Variants in NRP2 observed in about 807,000 individuals in gnomAD.
NRP2 encodes neuropilin 2, also known as neuropilin-2.
NRP2 carries 52 observed loss-of-function variants against 110.4 expected under a neutral mutation model. The observed-to-expected ratio is 0.47, with a 90% CI of 0.38 to 0.59. NRP2 has a LOEUF of 0.59. Among genes scored for constraint, NRP2 ranks in the 20% least tolerant of loss-of-function variants. NRP2 has a pLI of 0.00. For synonymous variants in NRP2, 508 were observed against 468.9 expected (o/e 1.08, Z -1.08); for missense variants, 1,049 against 1,203.0 (o/e 0.87, Z 1.89).
At chr2:205,794,687 G>A in intron 16 of NRP2, 67 bp from the exon 17 acceptor site, 1 of 1,536,292 alleles carries the variant, frequency 6.5e-7, no homozygotes, top group Non-Finnish European at 9.0e-7. Flanking sequence ...CTGGGCTGGG[G>A]AGGCTCAGTC....
At chr2:205,772,762 C>T (rs962430036) in intron 15 of NRP2, among the ~76,000 whole-genome samples, 1 of 152,200 alleles carries the variant, frequency 6.6e-6, no homozygotes, top group Non-Finnish European at 1.5e-5. Context: ...CTCGATCACC[C>T]CCAGATGGCT....
intron 2 of NRP2, among the ~76,000 whole-genome samples, chr2:205,707,228 G>A (rs1258313093): frequency 6.6e-6 from 1 of 152,230 alleles, no homozygotes; most frequent in Non-Finnish European, 1.5e-5. Context: ...CATGGCCCGG[G>A]CTGCCTGTGC....
At chr2:205,692,045 T>C (rs1173192092) in intron 1 of NRP2, among the ~76,000 whole-genome samples, 4 of 152,182 alleles carry the variant, frequency 2.6e-5, no homozygotes, top group Non-Finnish European at 5.9e-5. Context: ...AGAGAGGGAA[T>C]TTGCTTCATT....
rs1286722595 is a variant in NRP2 at position 205,794,603 on chromosome 2, G to A, written c.2477-151G>A. On this transcript the variant is annotated intron_variant, in intron 16 of 16. Transcript: ENST00000357785. Reference sequence around the variant, plus strand: ...CCCAAAGTTACACAGCTAGGATGCGGCCAGGCTGGGCTTTGAACCCAGGCA... The same window carrying A: ...CCCAAAGTTACACAGCTAGGATGCGACCAGGCTGGGCTTTGAACCCAGGCA... 5 of 795,554 alleles carry A rather than the reference G, an allele frequency of 6.3e-6. No homozygotes were observed. In the East Asian group the frequency reaches 1.2e-4, roughly 19 times the overall value. The allele number at this position is 795,554 out of a possible 1,614,324, so 49.3% of individuals were successfully genotyped here. A position where few individuals can be genotyped will look rare whatever the true frequency, so the allele number is the denominator to read the frequency against.
intron 12 of NRP2, chr2:205,761,462 T>G (rs2057820759): frequency 1.3e-5 from 2 of 152,194 alleles, no homozygotes; most frequent in African/African-American, 4.8e-5. Flanking sequence ...CTGCCTGAAG[T>G]CCTTTTAAAA....
chr2:205,759,784 G>A lies in NRP2; in HGVS notation c.2045-3890G>A, dbSNP rs1037310475. 5 of 152,202 alleles carry A rather than the reference G, an allele frequency of 3.3e-5. No individual in the cohort carries two copies. In the East Asian group the frequency reaches 9.6e-4, roughly 29 times the overall value. The allele number at this position is 152,202 out of a possible 1,614,324, so 9.4% of individuals were successfully genotyped here. A position where few individuals can be genotyped will look rare whatever the true frequency, so the allele number is the denominator to read the frequency against. ...TAGTAAAATAAAGGCAAGCATAGGA[G>A]GGAGTGTGTAGAGTGATATTAATAG... On this transcript the variant is annotated intron_variant, in intron 12 of 16. Transcript: ENST00000357785.
chr2:205,745,096 C>T (rs1464187869), intron 9 of NRP2, among the ~76,000 whole-genome samples: 1 of 152,224 alleles, frequency 6.6e-6, no homozygotes, highest in Non-Finnish European at 1.5e-5. Context: ...CTAGGCTGGT[C>T]CTCCAAAGCA....
intron 8 of NRP2, 131 bp downstream of exon 8, chr2:205,740,794 T>TTG: frequency 2.0e-6 from 2 of 992,436 alleles, no homozygotes; most frequent in Non-Finnish European, 3.0e-6. Flanking sequence ...ACTCAAGTCC[T>TTG]ACCAGAGTTT....
At chr2:205,749,879 C>G (rs1262321726) in intron 11 of NRP2, 38 bp downstream of exon 11, 2 of 1,507,328 alleles carry the variant, frequency 1.3e-6, no homozygotes, top group East Asian at 2.3e-5. Flanking sequence ...TGGGTGCGGA[C>G]TAGTCAGAGT....
At chr2:205,704,321 G>C (rs984634399) in intron 2 of NRP2, among the ~76,000 whole-genome samples, 2 of 152,184 alleles carry the variant, frequency 1.3e-5, no homozygotes, top group Non-Finnish European at 2.9e-5. Flanking sequence ...AATTCTGTGT[G>C]GTTCAAGAGG....
Position 205,709,875 on chromosome 2 carries a change from A to G in NRP2, c.252-6318A>G, listed in dbSNP as rs1016482939. ...CACTCCATGGGCCATATGTTCACAT[A>G]TGGATATATATGTGCTTATAAAAAT... On this transcript the variant is annotated intron_variant, in intron 2 of 16. Transcript: ENST00000357785. Among the ~76,000 whole-genome samples the G allele has an allele frequency of 3.9e-5, 6 of 152,322 alleles. No homozygotes were observed. The South Asian group carries it at 1.0e-3, about 26-fold the overall frequency.
rs2057868641 is a variant in NRP2 at position 205,763,987 on chromosome 2, G to A, written c.2307+51G>A. 1 of 1,607,016 alleles carries A rather than the reference G, an allele frequency of 6.2e-7. No homozygotes were observed. Among genetic ancestry groups the A allele is most frequent in the Non-Finnish European group, 8.5e-7 (1 of 1,175,464 alleles). The stretch of plus-strand genomic sequence containing the variant: ...GTGATCCGTATTTCAATATTTCAAG[G>A]GCCGAGCCCATTCATCGTTAGGGAA... On this transcript the variant is annotated intron_variant, in intron 13 of 16. Coordinates refer to ENST00000357785, the MANE Select transcript of NRP2 (RefSeq NM_003872.3). The surrounding 1 kb of genome is among the most constrained non-coding windows in gnomAD (Gnocchi z 4.0).
intron 12 of NRP2, chr2:205,756,825 C>T (rs2057741969): frequency 6.6e-6 from 1 of 152,124 alleles, no homozygotes; most frequent in Admixed American, 6.6e-5. Context: ...GTCTCATTCT[C>T]CCTCACTAGA....
At chr2:205,771,615 A>G (rs2058024993) in intron 15 of NRP2, among the ~76,000 whole-genome samples, 2 of 152,224 alleles carry the variant, frequency 1.3e-5, no homozygotes, top group East Asian at 1.9e-4. Context: ...CAGCTATAGT[A>G]TATGCTTTCT....
intron 15 of NRP2, chr2:205,777,726 G>A (rs1178797979): frequency 6.6e-6 from 1 of 152,218 alleles, no homozygotes; most frequent in Admixed American, 6.5e-5. Flanking sequence ...CTTTCATGGT[G>A]TTAATGTGTG....
At chr2:205,762,411 T>A (rs1401729829) in intron 12 of NRP2, 1 of 152,150 alleles carries the variant, frequency 6.6e-6, no homozygotes, top group African/African-American at 2.4e-5. Context: ...GTCAGCAGGA[T>A]TAACAACAGC....
rs957244485 is a variant in NRP2 at position 205,725,241 on chromosome 2, G to A, written c.821-672G>A. Among the ~76,000 whole-genome samples the A allele has an allele frequency of 5.3e-5, 8 of 152,154 alleles. No individual in the cohort carries two copies. In the South Asian group the frequency reaches 1.2e-3, roughly 24 times the overall value. ...TGATACCTGATAAGGATTGCTGGCC[G>A]ATCTTAGACACATGCACACACACAT... On this transcript the variant is annotated intron_variant, in intron 5 of 16. Transcript: ENST00000357785. This position sits in a 1 kb window ranked among gnomAD's most constrained non-coding sequence, Gnocchi z 4.1.
chr2:205,749,978 G>C (rs932960370), intron 11 of NRP2, 137 bp downstream of exon 11: 36 of 731,020 alleles, frequency 4.9e-5, no homozygotes, highest in Non-Finnish European at 8.8e-5. Context: ...AGAGGTGGGG[G>C]CACTTAGGGG....
intron 2 of NRP2, among the ~76,000 whole-genome samples, chr2:205,704,609 C>G (rs148348832): frequency 6.6e-6 from 1 of 152,090 alleles, no homozygotes; most frequent in Non-Finnish European, 1.5e-5. Context: ...ACCCATGGAT[C>G]AGGGGGAAAA....
Sources: allele counts gnomAD v4.1 joint callset (sites outside exome capture counted in the v4.1 genomes callset), GRCh38; gene constraint gnomAD v4.1.1; non-coding constraint Gnocchi (gnomAD v3.1); transcripts MANE v1.5; gene names NCBI Gene and HGNC (gene_info 2026-07-23, HGNC 2026-07-21).